RBFOX1: variants seen among roughly 807,000 people sequenced by gnomAD.
RBFOX1 encodes RNA binding fox-1 homolog 1, also known as RNA binding protein fox-1 homolog 1.
Under a neutral mutation model 57.7 loss-of-function variants are expected in RBFOX1, and 8 were observed. The ratio of observed to expected loss-of-function variants is 0.14; its 90% CI spans 0.08 to 0.25. The LOEUF (loss-of-function observed/expected upper bound fraction) is 0.25. RBFOX1 is among the 10% of genes least tolerant of loss of function. RBFOX1 has a pLI of 1.00. For synonymous variants in RBFOX1, 326 were observed against 222.4 expected (o/e 1.47, Z -4.15); for missense variants, 611 against 548.5 (o/e 1.11, Z -1.14).
chr16:6,242,927 T>A (rs1292756276), intron 1 of RBFOX1, among the ~76,000 whole-genome samples: 2 of 152,146 alleles, frequency 1.3e-5, no homozygotes. Flanking sequence ...TCAAAAGATG[T>A]GTATGTTTGG....
intron 4 of RBFOX1, among the ~76,000 whole-genome samples, chr16:7,134,848 T>C (rs2071476840): frequency 6.6e-6 from 1 of 152,208 alleles, no homozygotes; most frequent in African/African-American, 2.4e-5. Context: ...ACAGTTTTAA[T>C]GCACATATGT....
intron 3 of RBFOX1, among the ~76,000 whole-genome samples, chr16:6,814,277 G>C (rs1056616662): frequency 3.3e-5 from 5 of 151,874 alleles, no homozygotes; most frequent in Non-Finnish European, 5.9e-5. Context: ...GTCTAAGAGA[G>C]TCAGAAATGT....
chr16:7,069,341 C>T (rs1334535789), intron 4 of RBFOX1, among the ~76,000 whole-genome samples: 1 of 152,120 alleles, frequency 6.6e-6, no homozygotes, highest in Non-Finnish European at 1.5e-5. Context: ...TTCCCTAATG[C>T]TCTCCCTCCC....
At chr16:5,856,553 G>GTGTGTGTA (rs1365026558) in intron 3 of RBFOX1, among the ~76,000 whole-genome samples, 2 of 63,176 alleles carry the variant, frequency 3.2e-5, no homozygotes, top group African/African-American at 1.3e-4. Context: ...GTGTGTGTGT[G>GTGTGTGTA]TGTGTGTGTA....
intron 2 of RBFOX1, among the ~76,000 whole-genome samples, chr16:6,345,724 C>G (rs756223557): frequency 9.9e-5 from 15 of 152,282 alleles, no homozygotes; most frequent in African/African-American, 1.7e-4. Flanking sequence ...CATGTGAACC[C>G]ATACAATCTA....
At chr16:5,325,344 A>G (rs1250060634) in intron 1 of RBFOX1, among the ~76,000 whole-genome samples, 1 of 152,126 alleles carries the variant, frequency 6.6e-6, no homozygotes, top group African/African-American at 2.4e-5. Flanking sequence ...ATCTGCATTT[A>G]CTTTTCTTTG....
intron 2 of RBFOX1, among the ~76,000 whole-genome samples, chr16:6,488,190 C>T (rs2095548655): frequency 6.6e-6 from 1 of 152,170 alleles, no homozygotes; most frequent in Non-Finnish European, 1.5e-5. Flanking sequence ...CATGGTAATT[C>T]TGCATCTGCA....
At chr16:7,529,120 G>C (rs1462323440) in intron 5 of RBFOX1, among the ~76,000 whole-genome samples, 2 of 152,068 alleles carry the variant, frequency 1.3e-5, no homozygotes, top group Non-Finnish European at 2.9e-5. Flanking sequence ...AATTAGCCAG[G>C]CGTGGTGGCG....
At chr16:5,799,346 A>T (rs998062138) in intron 3 of RBFOX1, among the ~76,000 whole-genome samples, 2 of 152,192 alleles carry the variant, frequency 1.3e-5, no homozygotes, top group African/African-American at 4.8e-5. Flanking sequence ...GGACATAGCC[A>T]AACCATATCA....
chr16:5,876,234 C>T (rs2057606409), intron 4 of RBFOX1, among the ~76,000 whole-genome samples: 1 of 152,176 alleles, frequency 6.6e-6, no homozygotes, highest in South Asian at 2.1e-4. Flanking sequence ...GCACCTGAGT[C>T]TGTGCCAGCC....
chr16:7,106,088 C>G (rs990026379), intron 4 of RBFOX1, among the ~76,000 whole-genome samples: 72 of 152,202 alleles, frequency 4.7e-4, no homozygotes, highest in African/African-American at 1.7e-3. Context: ...CACCTCCTGT[C>G]TTGAATTCCT....
chr16:6,864,380 CTATT>C (rs1415905598), intron 3 of RBFOX1, among the ~76,000 whole-genome samples: 3 of 152,122 alleles, frequency 2.0e-5, no homozygotes, highest in African/African-American at 7.2e-5. Flanking sequence ...TAAAGGAAGG[CTATT>C]TGTTTTACTT....
intron 1 of RBFOX1, among the ~76,000 whole-genome samples, chr16:6,299,998 A>G (rs1290253098): frequency 6.6e-6 from 1 of 152,224 alleles, no homozygotes; most frequent in African/African-American, 2.4e-5. Flanking sequence ...ACAATGGGAT[A>G]CCATTCAGCT....
chr16:6,453,083 C>T (rs1312390805), intron 2 of RBFOX1, among the ~76,000 whole-genome samples: 1 of 152,122 alleles, frequency 6.6e-6, no homozygotes, highest in African/African-American at 2.4e-5. Flanking sequence ...TAAAGTGGGG[C>T]ACAAAATAGA....
chr16:5,907,019 G>C (rs1040003376), intron 4 of RBFOX1, among the ~76,000 whole-genome samples: 1 of 151,790 alleles, frequency 6.6e-6, no homozygotes, highest in East Asian at 1.9e-4. Flanking sequence ...TTACAGGCAT[G>C]AGCCACTGTG....
intron 4 of RBFOX1, among the ~76,000 whole-genome samples, chr16:7,371,770 T>G (rs577286077): frequency 2.0e-5 from 3 of 152,104 alleles, no homozygotes; most frequent in Admixed American, 1.3e-4. Flanking sequence ...AAAAAAGATA[T>G]GTAGATATAT....
intron 3 of RBFOX1, among the ~76,000 whole-genome samples, chr16:6,736,621 C>T (rs1424701612): frequency 1.3e-5 from 2 of 152,178 alleles, no homozygotes; most frequent in Non-Finnish European, 2.9e-5. Context: ...TATAAACATG[C>T]ATGTGCAAGT....
chr16:7,447,968 G>T (rs1470993280), intron 4 of RBFOX1, among the ~76,000 whole-genome samples: 1 of 152,176 alleles, frequency 6.6e-6, no homozygotes, highest in Non-Finnish European at 1.5e-5. Flanking sequence ...ACTGAATCAG[G>T]ATCTCTGGGG....
intron 4 of RBFOX1, among the ~76,000 whole-genome samples, chr16:5,922,005 A>C (rs1194308310): frequency 6.6e-6 from 1 of 152,056 alleles, no homozygotes; most frequent in Non-Finnish European, 1.5e-5. Flanking sequence ...AAAACAAAAA[A>C]GAAAAATTCG....
Sources: allele counts gnomAD v4.1 joint callset (sites outside exome capture counted in the v4.1 genomes callset), GRCh38; gene constraint gnomAD v4.1.1; transcripts MANE v1.5; gene names NCBI Gene and HGNC (gene_info 2026-07-23, HGNC 2026-07-21).